Variants in TBC1D19 observed in about 807,000 individuals in gnomAD.
The protein encoded by TBC1D19 is TBC1 domain family, member 19.
TBC1D19 carries 60 observed loss-of-function variants against 89.0 expected under a neutral mutation model. That is an observed-to-expected ratio of 0.67 (90% CI 0.55 to 0.84). TBC1D19 has a LOEUF of 0.84. Ranked by LOEUF, TBC1D19 falls within the 40% of genes least tolerant of loss-of-function variation. TBC1D19 has a pLI of 0.00. For missense variants in TBC1D19, 500 were observed against 610.8 expected (o/e 0.82, Z 1.91); for synonymous variants, 189 against 199.7 (o/e 0.95, Z 0.45).
chr4:26,638,944 T>C, intron 6 of TBC1D19, 110 bp downstream of exon 6: 6 of 895,814 alleles, frequency 6.7e-6, no homozygotes, highest in South Asian at 1.8e-5. Flanking sequence ...GCAATTTTCC[T>C]TCTCATTAAT....
intron 7 of TBC1D19, among the ~76,000 whole-genome samples, chr4:26,653,073 T>G (rs1383965990): frequency 3.9e-5 from 6 of 152,132 alleles, no homozygotes; most frequent in Non-Finnish European, 5.9e-5. Flanking sequence ...TTGTGCCTTT[T>G]TTCTCATTGG....
intron 13 of TBC1D19, among the ~76,000 whole-genome samples, chr4:26,713,903 A>T (rs1329017859): frequency 6.6e-6 from 1 of 152,102 alleles, no homozygotes; most frequent in Non-Finnish European, 1.5e-5. Flanking sequence ...AGACACTCAT[A>T]TGTGTAAAAT....
chr4:26,577,418 C>A (rs968785204), intron 1 of TBC1D19, among the ~76,000 whole-genome samples: 12 of 152,162 alleles, frequency 7.9e-5, no homozygotes, highest in Non-Finnish European at 1.8e-4. Context: ...TTGGAGGACT[C>A]TGCTGGTCTG....
intron 7 of TBC1D19, among the ~76,000 whole-genome samples, chr4:26,649,718 T>A (rs1324078402): frequency 6.6e-6 from 1 of 152,184 alleles, no homozygotes; most frequent in Non-Finnish European, 1.5e-5. Context: ...TAACTTTTTT[T>A]TTTTTTATTA....
At chr4:26,683,108 T>C (rs917960351) in intron 11 of TBC1D19, among the ~76,000 whole-genome samples, 1 of 152,208 alleles carries the variant, frequency 6.6e-6, no homozygotes, top group Non-Finnish European at 1.5e-5. Flanking sequence ...TTGCTTTTAC[T>C]ACCAGGAGTT....
At chr4:26,821,211 A>G in the TBC1D19 span, among the ~76,000 whole-genome samples, 1 of 152,178 alleles carries the variant, frequency 6.6e-6, no homozygotes, top group African/African-American at 2.4e-5. Context: ...AGATATTTAA[A>G]TGCTCCTCCC....
At position 26,751,586 on chromosome 4, in the gene TBC1D19, T is replaced by C. The variant is rs189930071; in HGVS notation, c.1436-2234T>C. On this transcript the variant is annotated intron_variant, in intron 19 of 20. Transcript: ENST00000264866. ...AGGAGTAAATCCTTTGTTGCAGATC[T>C]CTTGTATCTACTGTTACATATTCAC... Among the ~76,000 whole-genome samples, 497 of 152,364 alleles carry C rather than the reference T, an allele frequency of 3.3e-3. 1 individual carries two copies. Among genetic ancestry groups the C allele is most frequent in the African/African-American group, 0.011 (462 of 41,584 alleles).
chr4:26,644,917 A>C lies in TBC1D19; in HGVS notation c.480+4730A>C, dbSNP rs564844363. Among the ~76,000 whole-genome samples, 100 of 152,354 alleles carry C rather than the reference A, an allele frequency of 6.6e-4. 1 individual carries two copies. Among genetic ancestry groups the C allele is most frequent in the Admixed American group, 1.9e-3 (29 of 15,312 alleles). On this transcript the variant is annotated intron_variant, in intron 7 of 20. Coordinates refer to ENST00000264866, the MANE Select transcript of TBC1D19 (RefSeq NM_018317.4). ...ACTACAAACCACTGTTCAATGAAATAAAAGAGGACACAAACAAATGGAAGA... is the reference window on the plus strand; with the variant it reads ...ACTACAAACCACTGTTCAATGAAATCAAAGAGGACACAAACAAATGGAAGA...
At chr4:26,657,344 T>G (rs1744924339) in intron 7 of TBC1D19, among the ~76,000 whole-genome samples, 1 of 152,092 alleles carries the variant, frequency 6.6e-6, no homozygotes, top group African/African-American at 2.4e-5. Context: ...TGTTTGGTTT[T>G]CTGTTCTTGT....
intron 8 of TBC1D19, among the ~76,000 whole-genome samples, chr4:26,665,195 G>T (rs1711696197): frequency 6.6e-6 from 1 of 152,052 alleles, no homozygotes; most frequent in African/African-American, 2.4e-5. Context: ...TTTTTAAAGG[G>T]TAGATAAAGA....
chr4:26,707,991 A>G (rs1715866171), intron 13 of TBC1D19, among the ~76,000 whole-genome samples: 1 of 152,102 alleles, frequency 6.6e-6, no homozygotes, highest in African/African-American at 2.4e-5. Context: ...CAAATGTACG[A>G]GTTTCTTAAA....
At chr4:26,718,076 T>C in intron 14 of TBC1D19, 59 bp downstream of exon 14, 1 of 1,358,736 alleles carries the variant, frequency 7.4e-7, no homozygotes, top group Non-Finnish European at 1.0e-6. Flanking sequence ...CCAAGAATAT[T>C]TGTTTTATTT....
intron 12 of TBC1D19, among the ~76,000 whole-genome samples, chr4:26,686,353 ATGT>A (rs1187755311): frequency 2.0e-5 from 3 of 152,018 alleles, no homozygotes; most frequent in Admixed American, 6.6e-5. Flanking sequence ...TGAGCCAATG[ATGT>A]TGTGAGTACA....
At chr4:26,774,023 G>T in the TBC1D19 span, among the ~76,000 whole-genome samples, 12 of 152,116 alleles carry the variant, frequency 7.9e-5, no homozygotes, top group Admixed American at 2.6e-4. Context: ...GCTTTTCTCC[G>T]CATTAACCCA....
intron 15 of TBC1D19, among the ~76,000 whole-genome samples, chr4:26,730,605 C>T (rs1299687609): frequency 2.6e-5 from 4 of 152,184 alleles, no homozygotes; most frequent in Admixed American, 6.5e-5. Flanking sequence ...TTCCTTGACA[C>T]GTATACTTTG....
chr4:26,805,413 G>A, the TBC1D19 span, among the ~76,000 whole-genome samples: 424 of 152,196 alleles, frequency 2.8e-3, 2 homozygotes, highest in African/African-American at 9.8e-3. Context: ...GTCCTCATCC[G>A]GATTCAGTCC....
chr4:26,596,420 G>GA (rs1269404126), intron 1 of TBC1D19, among the ~76,000 whole-genome samples: 3 of 151,622 alleles, frequency 2.0e-5, no homozygotes, highest in Admixed American at 6.6e-5. Flanking sequence ...GTTAATGTCT[G>GA]AAAAAATCTG....
chr4:26,800,536 G>T, the TBC1D19 span, among the ~76,000 whole-genome samples: 2 of 152,166 alleles, frequency 1.3e-5, no homozygotes, highest in Non-Finnish European at 2.9e-5. Flanking sequence ...TGGGATGGCT[G>T]GGTCAAATGG....
Position 26,742,558 on chromosome 4 carries a change from TC to T in TBC1D19, c.1282del (p.Gln428AsnfsTer29). On this transcript the variant is annotated frameshift_variant, in exon 18 of 21. Transcript: ENST00000264866. LOFTEE classifies it high-confidence loss of function. ...TTGAAACTCTTCTTCAAACTTATCT[TC>T]CCCAACTCTTTTATCATCTACGAGA... is the stretch of plus-strand genomic sequence containing the variant. ...LFETLLQTYLPQLFYHLREIG... is the reference protein window; with the variant it reads ...LFETLLQTYLXQLFYHLREIG... 6.2e-7 allele frequency: 1 copy of T among 1,612,422 alleles called. No homozygotes were observed. The highest frequency in any genetic ancestry group is 8.5e-7 in the Non-Finnish European group (1 of 1,179,076).
Sources: allele counts gnomAD v4.1 joint callset (sites outside exome capture counted in the v4.1 genomes callset), GRCh38; gene constraint gnomAD v4.1.1; transcripts MANE v1.5; gene names NCBI Gene and HGNC (gene_info 2026-07-23, HGNC 2026-07-21).